The following THTPA variants were observed in gnomAD, a reference collection of about 807,000 sequenced individuals.
THTPA encodes the protein thiamine-triphosphatase.
A neutral mutation model predicts 16.5 loss-of-function variants in THTPA; 16 were observed. That is an observed-to-expected ratio of 0.97 (90% CI 0.66 to 1.47). THTPA has a LOEUF of 1.47. THTPA is among the 40% of genes most tolerant of loss of function. THTPA has a pLI of 0.00. For synonymous variants in THTPA, 110 were observed against 115.5 expected (o/e 0.95, Z 0.30); for missense variants, 281 against 280.9 (o/e 1.00, Z 0.00).
At chr14:23,538,911 A>C in the THTPA span, among the ~76,000 whole-genome samples, 1 of 152,166 alleles carries the variant, frequency 6.6e-6, no homozygotes, top group East Asian at 1.9e-4. Context: ...CGGCAGAAAG[A>C]GTCAATAAAA....
chr14:23,560,033 G>T lies in THTPA; in HGVS notation c.*1193G>T. The T allele has an allele frequency of 6.2e-7, 1 of 1,601,316 alleles. No homozygotes were observed. The highest frequency in any genetic ancestry group is 1.1e-5 in the South Asian group (1 of 90,132). On this transcript the variant is annotated 3_prime_UTR_variant, in exon 2 of 2. Transcript: ENST00000288014. ...CTGGGGGCCTGCAGCTGCAGCTGGA[G>T]ACTCTGAACACAGGAGTTTAACAGA... is the stretch of plus-strand genomic sequence containing the variant.
In THTPA at chr14:23,559,999, G is replaced by C. The variant is rs1247180749; in HGVS notation, c.*1159G>C. 6.2e-7 allele frequency: 1 copy of C among 1,612,006 alleles called. No individual in the cohort carries two copies. The highest frequency in any genetic ancestry group is 8.5e-7 in the Non-Finnish European group (1 of 1,178,736). On this transcript the variant is annotated 3_prime_UTR_variant, in exon 2 of 2. Transcript: ENST00000288014. The stretch of plus-strand genomic sequence containing the variant: ...AGGAAGGCCACCCCGAGCTGGAACT[G>C]TGTTCCCACTGGGGGCCTGCAGCTG...
chr14:23,552,288 A>ATTT (rs891218317), upstream of THTPA, among the ~76,000 whole-genome samples: 7 of 133,994 alleles, frequency 5.2e-5, no homozygotes, highest in Admixed American at 7.5e-5. Flanking sequence ...GTGCTCCTGA[A>ATTT]TTTTTTTTTT....
chr14:23,551,164 T>A (rs1881914547), upstream of THTPA, among the ~76,000 whole-genome samples: 1 of 151,726 alleles, frequency 6.6e-6, no homozygotes. The surrounding 1 kb of genome is among the most constrained non-coding windows in gnomAD (Gnocchi z 5.3). Flanking sequence ...TCGGTCTGTC[T>A]GTCCGTCCGT....
At chr14:23,527,156 A>G in the THTPA span, among the ~76,000 whole-genome samples, 2 of 151,992 alleles carry the variant, frequency 1.3e-5, no homozygotes, top group African/African-American at 4.8e-5. Flanking sequence ...CTGGGCTGCT[A>G]CCTCTCCTAT....
chr14:23,523,715 T>G, the THTPA span: 1 of 1,536,514 alleles, frequency 6.5e-7, no homozygotes, highest in Non-Finnish European at 8.7e-7. The surrounding 1 kb of genome is among the most constrained non-coding windows in gnomAD (Gnocchi z 4.1). Flanking sequence ...GATCTTCAGC[T>G]GCAGGCTGCT....
chr14:23,547,521 T>C, the THTPA span, among the ~76,000 whole-genome samples: 4 of 152,312 alleles, frequency 2.6e-5, no homozygotes, highest in East Asian at 7.7e-4. Flanking sequence ...CTTGGGCTCC[T>C]AGGGCTGTTC....
At chr14:23,517,791 G>C in the THTPA span, among the ~76,000 whole-genome samples, 1 of 152,080 alleles carries the variant, frequency 6.6e-6, no homozygotes, top group Admixed American at 6.5e-5. Context: ...GTCCCCTCTT[G>C]ACTGCCAGCA....
chr14:23,512,810 G>A, the THTPA span: 1 of 150,976 alleles, frequency 6.6e-6, no homozygotes, highest in African/African-American at 2.4e-5. Context: ...GAGGGCGAAG[G>A]CGAGTGAAAG....
the THTPA span, chr14:23,521,545 A>G: frequency 6.2e-6 from 1 of 162,290 alleles, no homozygotes; most frequent in African/African-American, 2.4e-5. Flanking sequence ...TCAGTGGAAC[A>G]TCATGGGATA....
intron 1 of THTPA, 36 bp from the exon 2 acceptor site, chr14:23,558,659 T>A: frequency 6.2e-7 from 1 of 1,613,406 alleles, no homozygotes; most frequent in Non-Finnish European, 8.5e-7. Context: ...CTTGTGGCTC[T>A]GTCCATTTCT....
At chr14:23,543,078 A>T in the THTPA span, 1 of 152,226 alleles carries the variant, frequency 6.6e-6, no homozygotes, top group Non-Finnish European at 1.5e-5. Flanking sequence ...TGGTTATTTT[A>T]TTCTGTGAAC....
At chr14:23,534,624 C>T in the THTPA span, 69 of 1,536,014 alleles carry the variant, frequency 4.5e-5, no homozygotes, top group African/African-American at 1.5e-4. The surrounding 1 kb of genome is among the most constrained non-coding windows in gnomAD (Gnocchi z 4.5). Context: ...GCCAGAAGAC[C>T]GCCACGTGGT....
chr14:23,539,314 A>C, the THTPA span, among the ~76,000 whole-genome samples: 8 of 152,282 alleles, frequency 5.3e-5, 1 homozygote, highest in South Asian at 1.7e-3. Flanking sequence ...TCAGCCAGGG[A>C]GTTAATGCCC....
chr14:23,517,982 C>T, the THTPA span, among the ~76,000 whole-genome samples: 2 of 152,222 alleles, frequency 1.3e-5, no homozygotes, highest in Admixed American at 6.5e-5. Context: ...TTTCTACCTA[C>T]TTTTGTGTGA....
At chr14:23,521,628 A>G in the THTPA span, 1 of 261,042 alleles carries the variant, frequency 3.8e-6, no homozygotes, top group Non-Finnish European at 7.3e-6. Context: ...GAAAAGGAAG[A>G]TAGAACCAAG....
the THTPA span, chr14:23,532,852 G>T: frequency 6.5e-7 from 1 of 1,536,330 alleles, no homozygotes; most frequent in South Asian, 1.2e-5. Context: ...GCTTGCAGCG[G>T]TGGGTGTCAC....
At chr14:23,540,762 G>A in the THTPA span, among the ~76,000 whole-genome samples, 1 of 152,234 alleles carries the variant, frequency 6.6e-6, no homozygotes, top group South Asian at 2.1e-4. Flanking sequence ...GTGAAGACCA[G>A]ATAGGTAACG....
the THTPA span, chr14:23,530,073 G>A: frequency 1.5e-5 from 22 of 1,472,536 alleles, no homozygotes; most frequent in East Asian, 3.9e-4. Context: ...GGTCCCGTGA[G>A]CGTCTCAGAA....
Sources: gnomAD v4.1 joint callset for allele counts (sites outside exome capture counted in the v4.1 genomes callset) on GRCh38, gnomAD v4.1.1 for gene constraint, Gnocchi (gnomAD v3.1) non-coding constraint, MANE v1.5 for transcripts, NCBI Gene and HGNC (gene_info 2026-07-23, HGNC 2026-07-21) for gene names.